The following PTPRT variants were observed in gnomAD, a reference collection of about 807,000 sequenced individuals.
PTPRT encodes protein tyrosine phosphatase receptor type T, also known as receptor-type tyrosine-protein phosphatase T.
In PTPRT, 56 loss-of-function variants were observed where a neutral mutation model predicts 176.8. That is an observed-to-expected ratio of 0.32 (90% confidence interval 0.26 to 0.40). The LOEUF is 0.40. PTPRT is among the 10% of genes least tolerant of loss of function. PTPRT has a pLI of 1.00. For missense variants in PTPRT, 1,540 were observed against 1,908.2 expected, an observed-to-expected ratio of 0.81 and a Z score of 3.60; for synonymous variants, 783 against 739.0, an observed-to-expected ratio of 1.06 and a Z score of -0.96.
chr20:42,940,125 G>C (rs1980447523), intron 1 of PTPRT, among the ~76,000 whole-genome samples: 1 of 152,290 alleles, frequency 6.6e-6, no homozygotes, highest in East Asian at 1.9e-4. Context: ...CTACCAGTGA[G>C]GATACAGAGG....
intron 9 of PTPRT, among the ~76,000 whole-genome samples, chr20:42,446,411 A>G (rs777270710): frequency 1.9e-4 from 29 of 152,192 alleles, no homozygotes; most frequent in Non-Finnish European, 3.8e-4. Flanking sequence ...TAGTCCCCCA[A>G]GCCTTTTTAA....
In PTPRT at chr20:42,180,044, C is replaced by G. The variant is rs566456019; in HGVS notation, c.2492-18502G>C. Among the ~76,000 whole-genome samples, 6 of 152,292 alleles carry G rather than the reference C, an allele frequency of 3.9e-5. No individual in the cohort carries two copies. The South Asian group carries it at 1.2e-3, about 32-fold the overall frequency. On this transcript the variant is annotated intron_variant, in intron 16 of 30. Transcript: ENST00000373187. ...GCAGATAGACGTGTTTTGTCATAAA[C>G]AAGGAAGTCAAAGATTACAGAGTTT...
chr20:43,071,338 AT>A (rs2146271413), intron 1 of PTPRT, among the ~76,000 whole-genome samples: 1 of 152,250 alleles, frequency 6.6e-6, no homozygotes, highest in African/African-American at 2.4e-5. Flanking sequence ...AACTCTGGGG[AT>A]GGGGCCCAGC....
chr20:42,836,487 C>T (rs934255555), intron 2 of PTPRT, among the ~76,000 whole-genome samples: 11 of 152,158 alleles, frequency 7.2e-5, no homozygotes, highest in Admixed American at 1.3e-4. Context: ...CTTGGCAATG[C>T]GGAACCAAGC....
chr20:42,184,598 T>TTCTTCTTCTTCTTCC (rs1568652549), intron 16 of PTPRT, among the ~76,000 whole-genome samples: 5 of 139,584 alleles, frequency 3.6e-5, no homozygotes, highest in South Asian at 2.4e-4. Context: ...CTTCTTCCTC[T>TTCTTCTTCTTCTTCC]TCTTCTTCTT....
At chr20:43,168,580 T>C (rs1379263896) in intron 1 of PTPRT, among the ~76,000 whole-genome samples, 1 of 152,214 alleles carries the variant, frequency 6.6e-6, no homozygotes, top group Non-Finnish European at 1.5e-5. Context: ...ACTATGAGCC[T>C]CAGGCTATAA....
intron 12 of PTPRT, among the ~76,000 whole-genome samples, chr20:42,293,480 A>G (rs2057346436): frequency 6.6e-6 from 1 of 152,052 alleles, no homozygotes; most frequent in Admixed American, 6.6e-5. Flanking sequence ...TTGCCTATGT[A>G]TTTATCCTTT....
intron 5 of PTPRT, among the ~76,000 whole-genome samples, chr20:42,768,011 C>G (rs997146244): frequency 6.0e-5 from 9 of 150,030 alleles, no homozygotes; most frequent in African/African-American, 2.2e-4. Context: ...CACACACACA[C>G]ACACACACAC....
At chr20:42,304,261 G>C (rs556395575) in intron 12 of PTPRT, among the ~76,000 whole-genome samples, 1 of 151,834 alleles carries the variant, frequency 6.6e-6, no homozygotes, top group African/African-American at 2.4e-5. Flanking sequence ...CTGATCCCAC[G>C]TCATGTTCAT....
chr20:42,435,397 A>G (rs980405993), intron 9 of PTPRT, among the ~76,000 whole-genome samples: 3 of 152,322 alleles, frequency 2.0e-5, no homozygotes, highest in Non-Finnish European at 2.9e-5. Context: ...GGTAGCATTC[A>G]CATCAATACC....
intron 1 of PTPRT, among the ~76,000 whole-genome samples, chr20:43,106,355 A>G (rs1239227412): frequency 2.0e-5 from 3 of 152,126 alleles, no homozygotes; most frequent in African/African-American, 7.2e-5. Context: ...GTTTTCTTCC[A>G]GTTTAGAAAG....
Position 42,352,324 on chromosome 20 carries a change from C to G in PTPRT, c.1561-39G>C, listed in dbSNP as rs748735487. The G allele has an allele frequency of 3.1e-6, 5 of 1,602,566 alleles. No homozygotes were observed. The African/African-American group carries it at 4.0e-5, about 13-fold the overall frequency. ...CAGCAAACAAACAAACAAATAAATG[C>G]CTCACTCAGGAAGCTGGATGGAGCT... On this transcript the variant is annotated intron_variant, in intron 9 of 30. Coordinates refer to ENST00000373187, the MANE Select transcript of PTPRT (RefSeq NM_007050.6).
chr20:42,741,307 G>A (rs2076606378), intron 6 of PTPRT, among the ~76,000 whole-genome samples: 1 of 152,094 alleles, frequency 6.6e-6, no homozygotes. Context: ...GCCCTTTTGT[G>A]CAAAAGCAAT....
At chr20:42,945,277 A>C (rs1455839127) in intron 1 of PTPRT, among the ~76,000 whole-genome samples, 1 of 152,056 alleles carries the variant, frequency 6.6e-6, no homozygotes, top group African/African-American at 2.4e-5. Flanking sequence ...GGAGTGTGAG[A>C]GGTTAAATAA....
intron 11 of PTPRT, among the ~76,000 whole-genome samples, chr20:42,345,756 T>C (rs561468258): frequency 6.7e-4 from 101 of 151,752 alleles, no homozygotes; most frequent in African/African-American, 2.4e-3. Context: ...TATATATATA[T>C]GAACAGCTGT....
chr20:42,370,521 A>G (rs1362932883), intron 9 of PTPRT, among the ~76,000 whole-genome samples: 2 of 152,204 alleles, frequency 1.3e-5, no homozygotes, highest in Non-Finnish European at 2.9e-5. Context: ...AACTGTCTTC[A>G]GTGATTAACA....
chr20:43,000,061 AGGAGGGAG>A (rs3030231), intron 1 of PTPRT, among the ~76,000 whole-genome samples: 24,328 of 81,698 alleles, frequency 0.3, 3,678 homozygotes, highest in Middle Eastern at 0.34. Context: ...GAAGAAGGGA[AGGAGGGAG>A]GGAGGGAGGG....
chr20:42,535,648 A>G (rs2072463566), intron 7 of PTPRT, among the ~76,000 whole-genome samples: 1 of 152,194 alleles, frequency 6.6e-6, no homozygotes, highest in Non-Finnish European at 1.5e-5. Context: ...GGGGAATAAA[A>G]GGGCCTCATG....
At chr20:42,753,565 C>G (rs141066332) in intron 6 of PTPRT, among the ~76,000 whole-genome samples, 1 of 152,178 alleles carries the variant, frequency 6.6e-6, no homozygotes, top group Non-Finnish European at 1.5e-5. Context: ...TGGGTGCCAC[C>G]CACCACCCCA....
Sources: gnomAD v4.1 joint callset for allele counts (sites outside exome capture counted in the v4.1 genomes callset) on GRCh38, gnomAD v4.1.1 for gene constraint, MANE v1.5 for transcripts, NCBI Gene and HGNC (gene_info 2026-07-23, HGNC 2026-07-21) for gene names.